The following PCLO variants were observed in gnomAD, a reference collection of about 807,000 sequenced individuals.
PCLO encodes piccolo presynaptic cytomatrix protein.
A neutral mutation model predicts 427.5 loss-of-function variants in PCLO; 82 were observed. The ratio of observed to expected loss-of-function variants is 0.19; its 90% CI spans 0.16 to 0.23. The LOEUF (loss-of-function observed/expected upper bound fraction) is 0.23, where lower values mean the gene tolerates loss of function less well. PCLO is among the 10% of genes least tolerant of loss of function. The probability of loss-of-function intolerance (pLI) is 1.00; values close to 1 mark genes in which losing one functional copy is unlikely to be tolerated. For missense variants in PCLO, 6,239 were observed against 6,115.9 expected (o/e 1.02, Z -0.67); for synonymous variants, 2,357 against 2,155.4 (o/e 1.09, Z -2.59).
At chr7:82,891,006 C>A (rs1018065786) in intron 9 of PCLO, among the ~76,000 whole-genome samples, 1 of 151,860 alleles carries the variant, frequency 6.6e-6, no homozygotes, top group African/African-American at 2.4e-5. Context: ...CCTAGTGGGA[C>A]TAATAAATGT....
chr7:82,821,518 T>C (rs1791790697), intron 20 of PCLO: 1 of 985,012 alleles, frequency 1.0e-6, no homozygotes, highest in South Asian at 4.7e-5. Flanking sequence ...TCTATCTCCA[T>C]TGCCTGGCTA....
intron 3 of PCLO, among the ~76,000 whole-genome samples, chr7:82,976,442 C>G (rs1275335594): frequency 1.3e-5 from 2 of 152,116 alleles, no homozygotes; most frequent in Non-Finnish European, 2.9e-5. Context: ...TACCAAATCT[C>G]TTATTATATA....
chr7:82,797,581 C>CAAA (rs1399436567), intron 22 of PCLO, among the ~76,000 whole-genome samples: 1 of 152,088 alleles, frequency 6.6e-6, no homozygotes, highest in East Asian at 1.9e-4. Flanking sequence ...TGGATGGGAT[C>CAAA]AAAATGACTC....
At chr7:83,023,080 C>T (rs1234498785) in intron 3 of PCLO, among the ~76,000 whole-genome samples, 1 of 152,012 alleles carries the variant, frequency 6.6e-6, no homozygotes, top group Non-Finnish European at 1.5e-5. Flanking sequence ...AACAGTTTTT[C>T]TTCAAAAACT....
intron 6 of PCLO, among the ~76,000 whole-genome samples, chr7:82,926,614 C>T (rs912549768): frequency 1.1e-4 from 16 of 152,176 alleles, no homozygotes; most frequent in Admixed American, 3.3e-4. Context: ...CCTTAATGCG[C>T]CTCTTGTCCC....
chr7:82,787,310 T>C (rs1791005812), intron 22 of PCLO, among the ~76,000 whole-genome samples: 1 of 152,164 alleles, frequency 6.6e-6, no homozygotes, highest in South Asian at 2.1e-4. Context: ...CTCATTGTGG[T>C]TTTGATTTAC....
intron 3 of PCLO, among the ~76,000 whole-genome samples, chr7:83,065,547 T>C (rs2116331395): frequency 6.6e-6 from 1 of 151,172 alleles, no homozygotes; most frequent in African/African-American, 2.4e-5. Context: ...AACTATCTGT[T>C]GAAGATTCCA....
At chr7:82,839,298 C>T (rs1305296237) in intron 14 of PCLO, among the ~76,000 whole-genome samples, 2 of 152,050 alleles carry the variant, frequency 1.3e-5, no homozygotes, top group African/African-American at 2.4e-5. Flanking sequence ...ATGAGTCATA[C>T]TTTCCTGTAA....
At chr7:83,093,492 A>ATATATATTTTTTT in intron 3 of PCLO, among the ~76,000 whole-genome samples, 2 of 59,312 alleles carry the variant, frequency 3.4e-5, no homozygotes, top group Non-Finnish European at 6.5e-5. Flanking sequence ...ATATATATAT[A>ATATATATTTTTTT]TTTTTTTTTT....
intron 3 of PCLO, among the ~76,000 whole-genome samples, chr7:83,056,871 T>A (rs1206947099): frequency 2.0e-5 from 3 of 152,144 alleles, no homozygotes; most frequent in Non-Finnish European, 2.9e-5. Context: ...TCGTAAACAT[T>A]CCTTAAATAA....
intron 3 of PCLO, among the ~76,000 whole-genome samples, chr7:82,982,185 T>C (rs1008683459): frequency 1.3e-5 from 2 of 152,146 alleles, no homozygotes; most frequent in African/African-American, 4.8e-5. Flanking sequence ...ATTAGAAGCA[T>C]GGTTGCTTAT....
At position 82,950,118 on chromosome 7, in the gene PCLO, C is replaced by T. The variant is rs1342425892; in HGVS notation, c.10470G>A (p.Arg3490=). 6.2e-7 allele frequency: 1 copy of T among 1,610,224 alleles called. No individual in the cohort carries two copies. Among genetic ancestry groups the T allele is most frequent in the Non-Finnish European group, 8.5e-7 (1 of 1,179,318 alleles). ...CACCATATTTCCCTACACGAGCTTTCCTCCTTGATCTAGTAGGCATATCCC... is the reference window on the plus strand; with the variant it reads ...CACCATATTTCCCTACACGAGCTTTTCTCCTTGATCTAGTAGGCATATCCC... ...DEWDMPTRSR[R]KARVGKYGDS... The change falls in exon 6 of 25, where the codon AGG becomes AGA. Residue 3490 remains arginine (R), a synonymous_variant. Transcript: ENST00000333891.
chr7:82,759,954 G>C (rs1388723059), intron 24 of PCLO, among the ~76,000 whole-genome samples: 1 of 151,958 alleles, frequency 6.6e-6, no homozygotes, highest in African/African-American at 2.4e-5. Context: ...AAAATGCTTT[G>C]TGAATAAGGT....
chr7:82,786,721 C>T (rs1330113143), intron 22 of PCLO, among the ~76,000 whole-genome samples: 1 of 152,076 alleles, frequency 6.6e-6, no homozygotes, highest in Non-Finnish European at 1.5e-5. Context: ...GGTATTTCTC[C>T]TAATGCTATC....
chr7:82,908,131 T>C (rs1320138323), intron 8 of PCLO, among the ~76,000 whole-genome samples: 1 of 152,082 alleles, frequency 6.6e-6, no homozygotes, highest in African/African-American at 2.4e-5. Context: ...GCTAAGGCAA[T>C]TGATTAAAGG....
At chr7:82,875,412 G>A (rs925553615) in intron 10 of PCLO, among the ~76,000 whole-genome samples, 4 of 151,918 alleles carry the variant, frequency 2.6e-5, no homozygotes, top group Non-Finnish European at 5.9e-5. Context: ...TAACAAGGTA[G>A]ACTAACTTGT....
chr7:82,781,327 G>GC (rs1254505475), intron 22 of PCLO, among the ~76,000 whole-genome samples: 4 of 150,028 alleles, frequency 2.7e-5, no homozygotes, highest in African/African-American at 9.8e-5. Context: ...ACCCCCTCCA[G>GC]CCCCCCAAAA....
intron 9 of PCLO, among the ~76,000 whole-genome samples, chr7:82,889,297 C>A (rs1584105908): frequency 6.6e-6 from 1 of 152,136 alleles, no homozygotes; most frequent in East Asian, 1.9e-4. Context: ...CTCGCCATAA[C>A]CCCAGGACAG....
intron 7 of PCLO, among the ~76,000 whole-genome samples, chr7:82,910,867 T>A (rs1794304702): frequency 6.6e-6 from 1 of 152,114 alleles, no homozygotes; most frequent in African/African-American, 2.4e-5. Flanking sequence ...TAATCATTAG[T>A]CTCTTAAAAT....
Sources: gnomAD v4.1 joint callset for allele counts (sites outside exome capture counted in the v4.1 genomes callset) on GRCh38, gnomAD v4.1.1 for gene constraint, MANE v1.5 for transcripts, NCBI Gene and HGNC (gene_info 2026-07-23, HGNC 2026-07-21) for gene names.